Variants in DACH1 observed in about 807,000 individuals in gnomAD.
DACH1 encodes dachshund family transcription factor 1.
Under a neutral mutation model 54.2 loss-of-function variants are expected in DACH1, and 12 were observed. The ratio of observed to expected loss-of-function variants is 0.22; its 90% CI spans 0.14 to 0.36. The LOEUF (loss-of-function observed/expected upper bound fraction) is 0.36, where lower values mean the gene tolerates loss of function less well. Ranked by LOEUF, DACH1 falls within the 10% of genes least tolerant of loss-of-function variation. The pLI is 1.00. For synonymous variants in DACH1, 386 were observed against 366.2 expected (o/e 1.05, Z -0.62); for missense variants, 805 against 929.8 (o/e 0.87, Z 1.75).
chr13:71,517,323 C>G (rs1295371297), intron 6 of DACH1, among the ~76,000 whole-genome samples: 2 of 151,798 alleles, frequency 1.3e-5, no homozygotes, highest in Non-Finnish European at 2.9e-5. Flanking sequence ...TGAATCTACA[C>G]ATTATTGACA....
chr13:71,506,791 A>T (rs1423043606), intron 6 of DACH1, among the ~76,000 whole-genome samples: 1 of 152,140 alleles, frequency 6.6e-6, no homozygotes, highest in East Asian at 1.9e-4. Context: ...ACCTGAGAAA[A>T]ACAAGCAATG....
At chr13:71,713,064 G>A (rs1324258269) in intron 1 of DACH1, among the ~76,000 whole-genome samples, 11 of 151,118 alleles carry the variant, frequency 7.3e-5, no homozygotes, top group Non-Finnish European at 1.3e-4. Context: ...GGGGTCACAA[G>A]CCCAAGATTT....
intron 1 of DACH1, among the ~76,000 whole-genome samples, chr13:71,782,973 G>A (rs1043234989): frequency 6.6e-6 from 1 of 152,022 alleles, no homozygotes; most frequent in Non-Finnish European, 1.5e-5. Flanking sequence ...ATCACAGGAA[G>A]GATCAATAAT....
At chr13:71,737,523 A>C (rs1282918996) in intron 1 of DACH1, among the ~76,000 whole-genome samples, 1 of 152,240 alleles carries the variant, frequency 6.6e-6, no homozygotes, top group Admixed American at 6.5e-5. Context: ...AGAAGAATGC[A>C]ATCAATCTGG....
rs946582103 is a variant in DACH1, at chr13:71,494,265, AT to A, written c.1571-5118del. 6.6e-5 allele frequency among the ~76,000 whole-genome samples: 10 copies of A among 151,314 alleles called. No individual in the cohort carries two copies. The East Asian group carries it at 1.7e-3, about 26-fold the overall frequency. ...TGCAATTTTGATACTTTGAATTTTG[AT>A]TTTTTTTTCCTGGGTTAGCAATATG... On this transcript the variant is annotated intron_variant, in intron 6 of 10. Coordinates refer to ENST00000613252, the MANE Select transcript of DACH1 (RefSeq NM_080759.6).
chr13:71,843,122 C>T (rs912718458), intron 1 of DACH1, among the ~76,000 whole-genome samples: 5 of 151,892 alleles, frequency 3.3e-5, no homozygotes, highest in Non-Finnish European at 5.9e-5. Context: ...TAGGTGTATA[C>T]GTTACATGTT....
intron 3 of DACH1, among the ~76,000 whole-genome samples, chr13:71,604,606 A>T (rs1047589142): frequency 5.3e-5 from 8 of 151,974 alleles, no homozygotes; most frequent in Middle Eastern, 6.3e-3. Flanking sequence ...AATGAAGGTG[A>T]CATAACTGAA....
At chr13:71,623,432 C>T (rs17088351) in intron 3 of DACH1, among the ~76,000 whole-genome samples, 21,561 of 151,350 alleles carry the variant, frequency 0.14, 3,631 homozygotes, top group African/African-American at 0.4. Flanking sequence ...TCTTCCAAAC[C>T]CTAATGAAAA....
At chr13:71,469,161 G>A (rs962102628) in intron 10 of DACH1, among the ~76,000 whole-genome samples, 1 of 152,134 alleles carries the variant, frequency 6.6e-6, no homozygotes, top group African/African-American at 2.4e-5. Context: ...CTGTGAGAAA[G>A]TTAATCAGTC....
intron 1 of DACH1, among the ~76,000 whole-genome samples, chr13:71,776,301 C>G (rs188427318): frequency 1.3e-5 from 2 of 152,100 alleles, no homozygotes; most frequent in East Asian, 3.9e-4. Flanking sequence ...AGGATGTATT[C>G]AAGATAAACT....
At chr13:71,509,446 TG>T in intron 6 of DACH1, among the ~76,000 whole-genome samples, 1 of 152,054 alleles carries the variant, frequency 6.6e-6, no homozygotes, top group Non-Finnish European at 1.5e-5. Context: ...ATACAACTAG[TG>T]TGAGAAATTA....
intron 10 of DACH1, among the ~76,000 whole-genome samples, chr13:71,457,104 A>G (rs1875635938): frequency 1.3e-5 from 2 of 152,012 alleles, no homozygotes; most frequent in African/African-American, 4.8e-5. Flanking sequence ...CTTCCCCTTC[A>G]TCAAAATAAG....
At chr13:71,737,854 C>G (rs936644341) in intron 1 of DACH1, among the ~76,000 whole-genome samples, 16 of 152,100 alleles carry the variant, frequency 1.1e-4, no homozygotes, top group African/African-American at 3.6e-4. Flanking sequence ...ATTCAGGGAG[C>G]AAAGTCTCTA....
At chr13:71,612,495 T>C (rs1875406630) in intron 3 of DACH1, among the ~76,000 whole-genome samples, 1 of 152,118 alleles carries the variant, frequency 6.6e-6, no homozygotes, top group South Asian at 2.1e-4. Flanking sequence ...GATTAGACCT[T>C]ATTTTCCCTA....
chr13:71,809,391 G>C (rs754756770), intron 1 of DACH1, among the ~76,000 whole-genome samples: 1 of 151,878 alleles, frequency 6.6e-6, no homozygotes, highest in African/African-American at 2.4e-5. Context: ...GGCTTGTCTC[G>C]AACACCTGGG....
intron 2 of DACH1, among the ~76,000 whole-genome samples, chr13:71,660,904 C>A (rs1326900706): frequency 9.3e-5 from 14 of 150,034 alleles, no homozygotes; most frequent in African/African-American, 3.4e-4. Context: ...AAAATGACAT[C>A]AAATGTCCAA....
At chr13:71,750,296 GC>G (rs1199556625) in intron 1 of DACH1, among the ~76,000 whole-genome samples, 1 of 152,042 alleles carries the variant, frequency 6.6e-6, no homozygotes, top group Non-Finnish European at 1.5e-5. Flanking sequence ...TGCAATAATT[GC>G]TTTTTTTGAA....
intron 1 of DACH1, among the ~76,000 whole-genome samples, chr13:71,824,537 T>A (rs1888309600): frequency 6.6e-6 from 1 of 150,470 alleles, no homozygotes; most frequent in Non-Finnish European, 1.5e-5. Context: ...ATGTTCAGAA[T>A]GAATGAAAAA....
At chr13:71,766,227 C>A (rs1010037792) in intron 1 of DACH1, among the ~76,000 whole-genome samples, 16 of 152,120 alleles carry the variant, frequency 1.1e-4, no homozygotes, top group African/African-American at 3.9e-4. Flanking sequence ...TTCCTACTCA[C>A]CTCTCCTTCT....
Sources: gnomAD v4.1 joint callset for allele counts (sites outside exome capture counted in the v4.1 genomes callset) on GRCh38, gnomAD v4.1.1 for gene constraint, MANE v1.5 for transcripts, NCBI Gene and HGNC (gene_info 2026-07-23, HGNC 2026-07-21) for gene names.